The following LINGO2 variants were observed in gnomAD, a reference collection of about 807,000 sequenced individuals.
LINGO2 encodes the protein leucine-rich repeat and immunoglobulin-like domain-containing nogo receptor-interacting protein 2.
A neutral mutation model predicts 30.6 loss-of-function variants in LINGO2; 14 were observed. That is an observed-to-expected ratio of 0.46 (90% CI 0.30 to 0.72). The LOEUF (loss-of-function observed/expected upper bound fraction) is 0.72, where lower values mean the gene tolerates loss of function less well. LINGO2 is among the 30% of genes least tolerant of loss of function. The pLI is 0.07. For synonymous variants in LINGO2, 317 were observed against 288.5 expected, an observed-to-expected ratio of 1.10 and a Z score of -1.00; for missense variants, 729 against 751.7, an observed-to-expected ratio of 0.97 and a Z score of 0.35.
At chr9:28,857,183 T>C in the LINGO2 span, among the ~76,000 whole-genome samples, 5 of 151,926 alleles carry the variant, frequency 3.3e-5, no homozygotes, top group Non-Finnish European at 7.4e-5. Context: ...TTAATTGTTA[T>C]AGAGAAGAGA....
At chr9:28,026,944 T>C (rs912971273) in intron 4 of LINGO2, among the ~76,000 whole-genome samples, 3 of 152,174 alleles carry the variant, frequency 2.0e-5, no homozygotes, top group Non-Finnish European at 4.4e-5. Flanking sequence ...GTTGCTCACC[T>C]CTCCTAAATT....
chr9:28,392,639 T>C (rs555560545), intron 2 of LINGO2, among the ~76,000 whole-genome samples: 11 of 152,244 alleles, frequency 7.2e-5, no homozygotes, highest in Admixed American at 2.0e-4. Context: ...CCCCTACCCT[T>C]CCGGAGGTCA....
intron 4 of LINGO2, among the ~76,000 whole-genome samples, chr9:28,178,877 C>T (rs1276369653): frequency 6.6e-6 from 1 of 152,094 alleles, no homozygotes; most frequent in Admixed American, 6.6e-5. Flanking sequence ...CTTCTATTAG[C>T]TTCTTTCTAA....
the LINGO2 span, among the ~76,000 whole-genome samples, chr9:28,694,396 C>A: frequency 2.6e-5 from 4 of 151,718 alleles, no homozygotes; most frequent in Non-Finnish European, 5.9e-5. Context: ...ATTCTTTTAC[C>A]ATATTATTTC....
At position 28,183,306 on chromosome 9, in the gene LINGO2, G is replaced by C. The variant is rs140681087; in HGVS notation, c.-87+111902C>G. On this transcript the variant is annotated intron_variant, in intron 4 of 5. Coordinates refer to ENST00000379992, the Ensembl canonical transcript of LINGO2. Reference sequence around the variant, plus strand: ...GCAACACACACCAGGGCCTGTTGAGGGGTGGGGGGCGAGGGGAGGGAACTT... The same window carrying C: ...GCAACACACACCAGGGCCTGTTGAGCGGTGGGGGGCGAGGGGAGGGAACTT... Among the ~76,000 whole-genome samples the C allele has an allele frequency of 2.0e-3, 297 of 152,258 alleles. 2 individuals are homozygous for C. The highest frequency in any genetic ancestry group is 6.3e-3 in the African/African-American group (261 of 41,562).
intron 1 of LINGO2, among the ~76,000 whole-genome samples, chr9:28,571,324 G>C (rs1563833383): frequency 6.6e-6 from 1 of 152,006 alleles, no homozygotes; most frequent in African/African-American, 2.4e-5. Context: ...AAAGTAAAGA[G>C]CTTGTAAGTT....
At chr9:28,084,973 C>A (rs184157541) in intron 4 of LINGO2, among the ~76,000 whole-genome samples, 12 of 152,200 alleles carry the variant, frequency 7.9e-5, no homozygotes, top group Admixed American at 6.5e-4. Flanking sequence ...CCATGAATTG[C>A]TATATAAGGT....
At chr9:28,601,473 G>A in intron 1 of LINGO2, among the ~76,000 whole-genome samples, 1 of 152,082 alleles carries the variant, frequency 6.6e-6, no homozygotes, top group Non-Finnish European at 1.5e-5. Flanking sequence ...GGGGGGACTG[G>A]AGGACTAGAG....
chr9:28,085,857 A>C (rs930314031), intron 4 of LINGO2, among the ~76,000 whole-genome samples: 2 of 152,112 alleles, frequency 1.3e-5, no homozygotes, highest in African/African-American at 4.8e-5. Context: ...ACTGGGCGGT[A>C]TGATACTTGA....
the LINGO2 span, among the ~76,000 whole-genome samples, chr9:28,955,169 C>T: frequency 7.8e-5 from 11 of 140,964 alleles, no homozygotes; most frequent in Admixed American, 1.4e-4. Flanking sequence ...ATCATAGAGT[C>T]GAAATAGAGA....
At chr9:28,468,369 C>A (rs1825393380) in intron 2 of LINGO2, among the ~76,000 whole-genome samples, 1 of 152,130 alleles carries the variant, frequency 6.6e-6, no homozygotes, top group African/African-American at 2.4e-5. Flanking sequence ...ACTCTCCTTA[C>A]TTGGAACTCA....
At chr9:29,117,836 A>G in the LINGO2 span, among the ~76,000 whole-genome samples, 10 of 152,320 alleles carry the variant, frequency 6.6e-5, no homozygotes, top group South Asian at 2.1e-3. Context: ...AGTTTGTTCT[A>G]TCAACTTATA....
chr9:29,085,144 A>G, the LINGO2 span, among the ~76,000 whole-genome samples: 1 of 152,044 alleles, frequency 6.6e-6, no homozygotes, highest in Admixed American at 6.6e-5. Context: ...TATCATTATC[A>G]TAGCTGCAGG....
At chr9:28,307,042 C>A (rs1445447893) in intron 3 of LINGO2, among the ~76,000 whole-genome samples, 2 of 151,916 alleles carry the variant, frequency 1.3e-5, no homozygotes, top group Non-Finnish European at 2.9e-5. Context: ...CTATTCCAAT[C>A]AATAGAAAAA....
chr9:28,240,733 C>A (rs576474713), intron 4 of LINGO2, among the ~76,000 whole-genome samples: 13 of 152,024 alleles, frequency 8.6e-5, no homozygotes, highest in African/African-American at 2.9e-4. Context: ...TTGGTCTGGG[C>A]AAAAATTTCT....
chr9:28,711,551 T>C, the LINGO2 span, among the ~76,000 whole-genome samples: 1 of 152,136 alleles, frequency 6.6e-6, no homozygotes, highest in South Asian at 2.1e-4. Flanking sequence ...AAAGAACTGA[T>C]ATGTATTTAA....
Position 28,367,593 on chromosome 9 carries a change from A to G in LINGO2, c.-246+5243T>C, listed in dbSNP as rs528220461. ...CATGGAATTCTAGCTTTCAGGATTG[A>G]TACTGAGAAGTCATGGTCTATTCTG... is the stretch of plus-strand genomic sequence containing the variant. On this transcript the variant is annotated intron_variant, in intron 3 of 5. Transcript: ENST00000379992. Among the ~76,000 whole-genome samples, 11 of 152,028 alleles carry G rather than the reference A, an allele frequency of 7.2e-5. No homozygotes were observed. In the East Asian group the frequency reaches 2.1e-3, roughly 29 times the overall value.
intron 5 of LINGO2, among the ~76,000 whole-genome samples, chr9:27,984,188 G>T (rs1587613460): frequency 6.6e-6 from 1 of 151,786 alleles, no homozygotes; most frequent in African/African-American, 2.4e-5. Flanking sequence ...GTTATTCTTG[G>T]TTGCCTGGGT....
At chr9:28,673,433 G>A (rs1829096890), upstream of LINGO2, among the ~76,000 whole-genome samples, 1 of 152,064 alleles carries the variant, frequency 6.6e-6, no homozygotes, top group Non-Finnish European at 1.5e-5. Flanking sequence ...TTGGGAGGCC[G>A]AGGTGGGTGG....
Sources: gnomAD v4.1 joint callset for allele counts (sites outside exome capture counted in the v4.1 genomes callset) on GRCh38, gnomAD v4.1.1 for gene constraint, MANE v1.5 for transcripts, NCBI Gene and HGNC (gene_info 2026-07-23, HGNC 2026-07-21) for gene names.